CMC1: variants seen among roughly 807,000 people sequenced by gnomAD.
CMC1 encodes C-X9-C motif containing 1.
A neutral mutation model predicts 14.1 loss-of-function variants in CMC1; 14 were observed. The ratio of observed to expected loss-of-function variants is 0.99; its 90% CI spans 0.66 to 1.55. CMC1 has a LOEUF of 1.55. Among genes scored for constraint, CMC1 ranks in the 40% most tolerant of loss-of-function variants. CMC1 has a pLI of 0.00. For synonymous variants in CMC1, 50 were observed against 38.4 expected (o/e 1.30, Z -1.12); for missense variants, 127 against 123.8 (o/e 1.03, Z -0.12).
At chr3:28,272,904 C>T (rs1425919626) in intron 2 of CMC1, among the ~76,000 whole-genome samples, 8 of 152,134 alleles carry the variant, frequency 5.3e-5, no homozygotes. Context: ...CCAGGCTGGT[C>T]TCAAACTCCT....
chr3:28,324,000 G>C lies in CMC1; in HGVS notation c.*4371G>C. ...TAATTTCTTGGGAGGACCACTGAAA[G>C]AGATAAGTGTCCTCATGGTGAAATC... is the stretch of plus-strand genomic sequence containing the variant. On this transcript the variant is annotated 3_prime_UTR_variant, in exon 4 of 4. Coordinates refer to ENST00000466830, the MANE Select transcript of CMC1 (RefSeq NM_182523.2). The C allele has an allele frequency of 1.3e-6, 2 of 1,532,724 alleles. No homozygotes were observed. Among genetic ancestry groups the C allele is most frequent in the Non-Finnish European group, 1.8e-6 (2 of 1,132,140 alleles). 94.9% of individuals were successfully genotyped at this position (1,532,724 alleles called of 1,614,324 possible). A position where few individuals can be genotyped will look rare whatever the true frequency, so the allele number is the denominator to read the frequency against.
chr3:28,270,033 C>T lies in CMC1; in HGVS notation c.109+6653C>T, dbSNP rs529315277. On this transcript the variant is annotated intron_variant, in intron 2 of 3. Coordinates refer to ENST00000466830, the MANE Select transcript of CMC1 (RefSeq NM_182523.2). ...GTGAGAACATGTGGTGATTGGTTTT[C>T]TGTTCCTGCGTTAGTTCCTGCTGAG... Among the ~76,000 whole-genome samples the T allele has an allele frequency of 2.0e-5, 3 of 152,308 alleles. No individual in the cohort carries two copies. In the East Asian group the frequency reaches 5.8e-4, roughly 29 times the overall value.
chr3:28,307,490 C>T (rs922750729), intron 2 of CMC1, among the ~76,000 whole-genome samples: 10 of 152,172 alleles, frequency 6.6e-5, no homozygotes, highest in African/African-American at 1.7e-4. Context: ...ATCTAACCAG[C>T]GCCCAGCCTG....
At chr3:28,256,550 C>T (rs879513894) in intron 1 of CMC1, among the ~76,000 whole-genome samples, 1 of 152,110 alleles carries the variant, frequency 6.6e-6, no homozygotes, top group Non-Finnish European at 1.5e-5. Context: ...TAAAACTGAC[C>T]ATCACAGGTG....
rs1440986673 is a variant in CMC1 at position 28,286,836 on chromosome 3, T to G, written c.109+23456T>G. Among the ~76,000 whole-genome samples, 15 of 152,136 alleles carry G rather than the reference T, an allele frequency of 9.9e-5. 1 individual carries two copies. The highest frequency in any genetic ancestry group is 9.2e-4 in the Admixed American group (14 of 15,280). Reference sequence around the variant, plus strand: ...CACATGTAGAAATAATTTACTGAGATCTTGGGGGAAGGGTAGATCTGCTGA... The same window carrying G: ...CACATGTAGAAATAATTTACTGAGAGCTTGGGGGAAGGGTAGATCTGCTGA... On this transcript the variant is annotated intron_variant, in intron 2 of 3. Coordinates refer to ENST00000466830, the MANE Select transcript of CMC1 (RefSeq NM_182523.2).
chr3:28,252,599 G>A lies in CMC1; in HGVS notation c.20-10692G>A, dbSNP rs145867318. Among the ~76,000 whole-genome samples, 3 of 152,058 alleles carry A rather than the reference G, an allele frequency of 2.0e-5. No homozygotes were observed. The South Asian group carries it at 6.2e-4, about 32-fold the overall frequency. On this transcript the variant is annotated intron_variant, in intron 1 of 3. Coordinates refer to ENST00000466830, the MANE Select transcript of CMC1 (RefSeq NM_182523.2). ...AGAACTGAATTTTCAAATTTTGCTG[G>A]TTCAAATGGTGCTTCTGAAACACAA...
In CMC1 at chr3:28,319,843, C is replaced by G. The variant is rs1257499799; in HGVS notation, c.*214C>G. The G allele has an allele frequency of 1.9e-5, 7 of 376,126 alleles. No homozygotes were observed. In the East Asian group the frequency reaches 3.4e-4, roughly 19 times the overall value. 23.3% of individuals were successfully genotyped at this position (376,126 alleles called of 1,614,324 possible). A position where few individuals can be genotyped will look rare whatever the true frequency, so the allele number is the denominator to read the frequency against. On this transcript the variant is annotated 3_prime_UTR_variant, in exon 4 of 4. Coordinates refer to ENST00000466830, the MANE Select transcript of CMC1 (RefSeq NM_182523.2). Reference sequence around the variant, plus strand: ...TATGGTTTTCCTGGTCATTCTGGACCTTTTGAAAGTTTTCCCACAACTATA... The same window carrying G: ...TATGGTTTTCCTGGTCATTCTGGACGTTTTGAAAGTTTTCCCACAACTATA...
In CMC1 at chr3:28,324,754, TGAA is replaced by T. The variant is rs937921871; in HGVS notation, c.*5129_*5131del. On this transcript the variant is annotated 3_prime_UTR_variant, in exon 4 of 4. Coordinates refer to ENST00000466830, the MANE Select transcript of CMC1 (RefSeq NM_182523.2). ...ACTATGTCATAGAGCTTTTAAAAGA[TGAA>T]GAACTACATATTTTTAAAAGTTGGA... The T allele has an allele frequency of 1.6e-5, 4 of 246,098 alleles. No individual in the cohort carries two copies. The highest frequency in any genetic ancestry group is 6.7e-5 in the African/African-American group (3 of 44,702). The allele number at this position is 246,098 out of a possible 1,614,324, so 15.2% of individuals were successfully genotyped here.
At chr3:28,306,871 C>G (rs989094631) in intron 2 of CMC1, among the ~76,000 whole-genome samples, 7 of 152,112 alleles carry the variant, frequency 4.6e-5, no homozygotes, top group African/African-American at 1.7e-4. Context: ...GGTCTCCAAT[C>G]CTGACCTCAG....
At chr3:28,276,466 C>A (rs1308925176) in intron 2 of CMC1, among the ~76,000 whole-genome samples, 2 of 152,006 alleles carry the variant, frequency 1.3e-5, no homozygotes, top group African/African-American at 2.4e-5. Context: ...AGCTTTTTTA[C>A]TAATACTTCA....
intron 2 of CMC1, among the ~76,000 whole-genome samples, chr3:28,267,702 C>A (rs1192581978): frequency 6.6e-6 from 1 of 152,148 alleles, no homozygotes; most frequent in Non-Finnish European, 1.5e-5. Flanking sequence ...GTCAATCACA[C>A]AGAACTGAAG....
intron 2 of CMC1, among the ~76,000 whole-genome samples, chr3:28,268,395 T>G (rs1044496869): frequency 2.0e-5 from 3 of 152,208 alleles, no homozygotes; most frequent in African/African-American, 7.2e-5. Context: ...CACTGTATTG[T>G]GACAACACAT....
intron 2 of CMC1, among the ~76,000 whole-genome samples, chr3:28,304,816 G>C (rs570157166): frequency 5.3e-5 from 8 of 152,200 alleles, no homozygotes; most frequent in African/African-American, 1.9e-4. Flanking sequence ...ACTTGGAATG[G>C]TTTATGTCCT....
At chr3:28,300,351 A>G (rs2125572933) in intron 2 of CMC1, among the ~76,000 whole-genome samples, 1 of 152,326 alleles carries the variant, frequency 6.6e-6, no homozygotes, top group Non-Finnish European at 1.5e-5. Flanking sequence ...AACAATTAGC[A>G]TTTAATAAAA....
Position 28,319,821 on chromosome 3 carries a change from G to A in CMC1, c.*192G>A, listed in dbSNP as rs891687522. On this transcript the variant is annotated 3_prime_UTR_variant, in exon 4 of 4. Transcript: ENST00000466830. ...AGGAGTAGTTACTGAATTGGGATAT[G>A]GTTTTCCTGGTCATTCTGGACCTTT... The A allele has an allele frequency of 9.0e-6, 4 of 445,948 alleles. No homozygotes were observed. In the South Asian group the frequency reaches 1.1e-4, roughly 13 times the overall value. 27.6% of individuals were successfully genotyped at this position (445,948 alleles called of 1,614,324 possible).
At chr3:28,302,404 T>A (rs1702099666) in intron 2 of CMC1, among the ~76,000 whole-genome samples, 1 of 152,116 alleles carries the variant, frequency 6.6e-6, no homozygotes, top group Admixed American at 6.6e-5. Flanking sequence ...TTGGAGACTA[T>A]GTGGGACAGC....
intron 2 of CMC1, among the ~76,000 whole-genome samples, chr3:28,295,674 C>G (rs1260898788): frequency 1.3e-5 from 2 of 152,042 alleles, no homozygotes; most frequent in South Asian, 4.1e-4. Context: ...TCCCTAGAAC[C>G]TAAAACAGGC....
intron 2 of CMC1, among the ~76,000 whole-genome samples, chr3:28,304,025 C>T (rs1023190378): frequency 6.6e-6 from 1 of 151,504 alleles, no homozygotes; most frequent in Non-Finnish European, 1.5e-5. Context: ...CATCATCAGC[C>T]ACCTGTTTGC....
intron 1 of CMC1, among the ~76,000 whole-genome samples, chr3:28,244,575 A>G (rs1165267205): frequency 1.3e-5 from 2 of 152,158 alleles, no homozygotes; most frequent in Non-Finnish European, 2.9e-5. Context: ...TAAAATACAA[A>G]AAATTTAGCC....
Sources: gnomAD v4.1 joint callset for allele counts (sites outside exome capture counted in the v4.1 genomes callset) on GRCh38, gnomAD v4.1.1 for gene constraint, MANE v1.5 for transcripts, NCBI Gene and HGNC (gene_info 2026-07-23, HGNC 2026-07-21) for gene names.